CHCHD6: variants seen among roughly 807,000 people sequenced by gnomAD.
CHCHD6 encodes the protein coiled-coil-helix-coiled-coil-helix domain containing 6.
In CHCHD6, 28 loss-of-function variants were observed where a neutral mutation model predicts 32.3. The ratio of observed to expected loss-of-function variants is 0.87; its 90% confidence interval spans 0.64 to 1.19. The LOEUF (loss-of-function observed/expected upper bound fraction) is 1.19. Ranked by LOEUF, CHCHD6 falls within the 50% of genes most tolerant of loss-of-function variation. The pLI is 0.00. For synonymous variants in CHCHD6, 122 were observed against 117.5 expected, an observed-to-expected ratio of 1.04 and a Z score of -0.25; for missense variants, 333 against 307.0, an observed-to-expected ratio of 1.08 and a Z score of -0.63.
chr3:126,918,703 G>A (rs1401442166), intron 6 of CHCHD6, among the ~76,000 whole-genome samples: 1 of 152,182 alleles, frequency 6.6e-6, no homozygotes, highest in Non-Finnish European at 1.5e-5. Context: ...AGTAATGAAT[G>A]AGAAGAGAGA....
At position 126,913,207 on chromosome 3, in the gene CHCHD6, C is replaced by CTTTTTTTTTTT. The variant is rs546179022; in HGVS notation, c.496-1446_496-1436dup. ...GGATAATCATGCTGCCCGTATGAGC[C>CTTTTTTTTTTT]TTTTTTTTTTTTTTTTTTTTTTTTT... On this transcript the variant is annotated intron_variant, in intron 5 of 7. Transcript: ENST00000290913. Among the ~76,000 whole-genome samples the CTTTTTTTTTTT allele has an allele frequency of 1.8e-4, 6 of 33,784 alleles. 2 individuals are homozygous for CTTTTTTTTTTT. The highest frequency in any genetic ancestry group is 3.9e-4 in the African/African-American group (3 of 7,640). 22.2% of individuals were successfully genotyped at this position (33,784 alleles called of 152,430 possible).
At chr3:126,873,098 A>G (rs1360777933) in intron 5 of CHCHD6, among the ~76,000 whole-genome samples, 1 of 152,228 alleles carries the variant, frequency 6.6e-6, no homozygotes, top group African/African-American at 2.4e-5. Context: ...GTATGTTTCC[A>G]GTAGGCATTC....
At chr3:126,872,980 T>C (rs1329159594) in intron 5 of CHCHD6, among the ~76,000 whole-genome samples, 2 of 152,242 alleles carry the variant, frequency 1.3e-5, no homozygotes, top group Non-Finnish European at 2.9e-5. Flanking sequence ...CTACTGTCTC[T>C]CTACCTTCTG....
At chr3:126,777,471 A>C (rs1233755147) in intron 4 of CHCHD6, among the ~76,000 whole-genome samples, 1 of 152,216 alleles carries the variant, frequency 6.6e-6, no homozygotes, top group Non-Finnish European at 1.5e-5. Context: ...GCCATGTTAC[A>C]GAAAAAATGC....
chr3:126,766,715 A>G (rs1937383350), intron 4 of CHCHD6: 1 of 1,151,048 alleles, frequency 8.7e-7, no homozygotes, highest in Non-Finnish European at 1.3e-6. Flanking sequence ...ATCCAGCCAC[A>G]GAGGTCCTGC....
chr3:126,805,945 TG>T (rs1939352079), intron 4 of CHCHD6, among the ~76,000 whole-genome samples: 1 of 152,146 alleles, frequency 6.6e-6, no homozygotes, highest in African/African-American at 2.4e-5. Context: ...AAACAAGCAA[TG>T]GGGAAAGGAT....
At chr3:126,813,705 T>C (rs948975773) in intron 4 of CHCHD6, among the ~76,000 whole-genome samples, 3 of 152,218 alleles carry the variant, frequency 2.0e-5, no homozygotes, top group Non-Finnish European at 4.4e-5. Flanking sequence ...GCCCATCAGC[T>C]GGCCTGGACA....
At chr3:126,923,497 T>C (rs1213095502) in intron 6 of CHCHD6, among the ~76,000 whole-genome samples, 3 of 152,164 alleles carry the variant, frequency 2.0e-5, no homozygotes, top group Admixed American at 6.5e-5. Context: ...GATTTAAAAA[T>C]AAGTGGTTGA....
intron 5 of CHCHD6, among the ~76,000 whole-genome samples, chr3:126,896,725 A>T (rs796272330): frequency 7.9e-5 from 12 of 152,242 alleles, no homozygotes; most frequent in African/African-American, 2.9e-4. Context: ...CATATGAGAC[A>T]TGCTTCCCTA....
rs368092751 is a variant in CHCHD6, at chr3:126,839,676, C to G, written c.412-12971C>G. Among the ~76,000 whole-genome samples the G allele has an allele frequency of 3.9e-5, 6 of 152,192 alleles. No individual in the cohort carries two copies. The East Asian group carries it at 9.6e-4, about 24-fold the overall frequency. On this transcript the variant is annotated intron_variant, in intron 4 of 7. Coordinates refer to ENST00000290913, the MANE Select transcript of CHCHD6 (RefSeq NM_032343.3). ...TTCAGTCCTTGTCATACTCCCCAACCTGGATTACTGCATCGGCTCTCTCAC... is the reference window on the plus strand; with the variant it reads ...TTCAGTCCTTGTCATACTCCCCAACGTGGATTACTGCATCGGCTCTCTCAC...
chr3:126,897,950 C>T (rs966918952), intron 5 of CHCHD6, among the ~76,000 whole-genome samples: 1 of 152,218 alleles, frequency 6.6e-6, no homozygotes, highest in Admixed American at 6.5e-5. Flanking sequence ...CAGTCTCTGC[C>T]TGTGGAGTGG....
chr3:126,782,373 C>T (rs1040067603), intron 4 of CHCHD6, among the ~76,000 whole-genome samples: 2 of 152,208 alleles, frequency 1.3e-5, no homozygotes, highest in African/African-American at 2.4e-5. Flanking sequence ...CCTCTGACTG[C>T]GAGCTGTCTG....
intron 5 of CHCHD6, among the ~76,000 whole-genome samples, chr3:126,889,898 G>GCTC (rs2077732554): frequency 6.6e-6 from 1 of 152,240 alleles, no homozygotes; most frequent in Non-Finnish European, 1.5e-5. Flanking sequence ...GGTGGCCCCT[G>GCTC]CTCCTGCGTT....
intron 4 of CHCHD6, among the ~76,000 whole-genome samples, chr3:126,742,541 G>A (rs1184933652): frequency 1.3e-5 from 2 of 152,214 alleles, no homozygotes; most frequent in African/African-American, 2.4e-5. Flanking sequence ...AGTATTGAGA[G>A]GTGATTGGGT....
intron 4 of CHCHD6, among the ~76,000 whole-genome samples, chr3:126,765,825 A>G (rs1247212793): frequency 6.6e-6 from 1 of 152,094 alleles, no homozygotes; most frequent in Non-Finnish European, 1.5e-5. Flanking sequence ...CTAAACACAG[A>G]CTCCCAATCC....
intron 5 of CHCHD6, among the ~76,000 whole-genome samples, chr3:126,861,694 A>G (rs1472574428): frequency 3.2e-5 from 4 of 123,844 alleles, no homozygotes; most frequent in African/African-American, 6.3e-5. Context: ...CATGACCATC[A>G]CCACCTCCCC....
intron 5 of CHCHD6, among the ~76,000 whole-genome samples, chr3:126,853,063 A>G (rs1250855255): frequency 6.6e-6 from 1 of 151,992 alleles, no homozygotes; most frequent in East Asian, 1.9e-4. Flanking sequence ...TACCTTTTCC[A>G]CTTTAGTTAA....
At chr3:126,709,582 T>C (rs554863422) in intron 1 of CHCHD6, among the ~76,000 whole-genome samples, 1 of 152,380 alleles carries the variant, frequency 6.6e-6, no homozygotes. Context: ...CTGAACTGTT[T>C]GCTGAAGAAG....
intron 1 of CHCHD6, among the ~76,000 whole-genome samples, chr3:126,720,769 C>G (rs923377382): frequency 6.6e-6 from 1 of 152,160 alleles, no homozygotes; most frequent in Admixed American, 6.5e-5. Flanking sequence ...GTTGCTCCTG[C>G]TGTCACTTCG....
Sources: gnomAD v4.1 joint callset for allele counts (sites outside exome capture counted in the v4.1 genomes callset) on GRCh38, gnomAD v4.1.1 for gene constraint, MANE v1.5 for transcripts, NCBI Gene and HGNC (gene_info 2026-07-23, HGNC 2026-07-21) for gene names.